NAV3: variants seen among roughly 807,000 people sequenced by gnomAD.
NAV3 encodes neuron navigator 3.
In NAV3, 87 loss-of-function variants were observed where a neutral mutation model predicts 244.7. The observed-to-expected ratio is 0.36, with a 90% CI of 0.30 to 0.42. The LOEUF is 0.42. Among genes scored for constraint, NAV3 ranks in the 20% least tolerant of loss-of-function variants. The pLI, the probability that NAV3 is intolerant of heterozygous loss-of-function variation, is 1.00. For missense variants in NAV3, 2,663 were observed against 2,893.3 expected (o/e 0.92, Z 1.83); for synonymous variants, 1,126 against 1,042.2 (o/e 1.08, Z -1.55).
intron 2 of NAV3, among the ~76,000 whole-genome samples, chr12:77,785,284 T>G (rs1334466223): frequency 1.3e-5 from 2 of 152,120 alleles, no homozygotes; most frequent in Admixed American, 1.3e-4. Flanking sequence ...ACTCTGCCCA[T>G]GTGTTTCCTC....
chr12:78,145,461 C>G (rs151019049), intron 20 of NAV3, among the ~76,000 whole-genome samples: 1 of 152,102 alleles, frequency 6.6e-6, no homozygotes, highest in Non-Finnish European at 1.5e-5. Context: ...ACATAGAAAA[C>G]GAGAGATTGT....
chr12:77,858,582 A>G (rs1366900364), intron 1 of NAV3, among the ~76,000 whole-genome samples: 1 of 152,044 alleles, frequency 6.6e-6, no homozygotes, highest in African/African-American at 2.4e-5. Flanking sequence ...ATTTTATTAC[A>G]CTATCTCATT....
chr12:78,024,236 T>C (rs1354743244), intron 9 of NAV3, among the ~76,000 whole-genome samples: 1 of 152,184 alleles, frequency 6.6e-6, no homozygotes, highest in African/African-American at 2.4e-5. Context: ...CTCACTTAAT[T>C]GTACTCATTT....
chr12:77,856,520 T>A (rs1878421723), intron 1 of NAV3, among the ~76,000 whole-genome samples: 1 of 152,152 alleles, frequency 6.6e-6, no homozygotes, highest in Non-Finnish European at 1.5e-5. Context: ...TTTAACTCAA[T>A]CTTTGAATTT....
At chr12:78,117,157 G>GTATATATATA (rs1271535818) in intron 13 of NAV3, among the ~76,000 whole-genome samples, 3 of 11,614 alleles carry the variant, frequency 2.6e-4, no homozygotes, top group East Asian at 5.3e-3. Context: ...AACAGAAGCA[G>GTATATATATA]CATATATATA....
At chr12:78,157,791 G>A (rs1212782263) in intron 22 of NAV3, among the ~76,000 whole-genome samples, 1 of 151,718 alleles carries the variant, frequency 6.6e-6, no homozygotes, top group East Asian at 1.9e-4. Context: ...TTGTGTGAGA[G>A]AGAGAGAGAG....
chr12:78,108,778 A>G (rs1030591035), intron 12 of NAV3, among the ~76,000 whole-genome samples: 16 of 152,112 alleles, frequency 1.1e-4, no homozygotes, highest in Middle Eastern at 3.2e-3. Context: ...GAAACATAAC[A>G]TATCAAAACC....
At chr12:78,123,343 A>AT (rs144071808) in intron 16 of NAV3, among the ~76,000 whole-genome samples, 53,299 of 149,330 alleles carry the variant, frequency 0.36, 9,789 homozygotes, top group South Asian at 0.53. Context: ...TGTTTTTTTT[A>AT]TTTTTTTTTT....
In NAV3 at chr12:77,758,559, A is replaced by G. The variant is rs1179602049; in HGVS notation, c.73-181760A>G. ...AAGTTCCTTAATACATAATTTTTGTATTTATACTTTTATTACCCAAGTAAC... is the reference window on the plus strand; with the variant it reads ...AAGTTCCTTAATACATAATTTTTGTGTTTATACTTTTATTACCCAAGTAAC... On this transcript the variant is annotated intron_variant, in intron 2 of 8. Coordinates refer to the NAV3 transcript ENST00000550042. Among the ~76,000 whole-genome samples, 4 of 152,196 alleles carry G rather than the reference A, an allele frequency of 2.6e-5. No homozygotes were observed. In the South Asian group the frequency reaches 8.3e-4, roughly 31 times the overall value.
At chr12:77,853,519 A>G (rs1000498597) in intron 1 of NAV3, among the ~76,000 whole-genome samples, 43 of 152,194 alleles carry the variant, frequency 2.8e-4, no homozygotes, top group African/African-American at 1.0e-3. Flanking sequence ...CTTGTTTAAG[A>G]AACTCTACTG....
intron 5 of NAV3, among the ~76,000 whole-genome samples, chr12:77,974,597 T>C (rs17044652): frequency 0.38 from 57,173 of 152,026 alleles, 11,537 homozygotes; most frequent in South Asian, 0.44. Context: ...CATTCCCAGA[T>C]GCTATGTCAG....
intron 2 of NAV3, among the ~76,000 whole-genome samples, chr12:77,631,177 A>T (rs1383316975): frequency 6.6e-6 from 1 of 152,144 alleles, no homozygotes; most frequent in Non-Finnish European, 1.5e-5. Flanking sequence ...GGACATAACT[A>T]TTGGTGAAGC....
intron 2 of NAV3, among the ~76,000 whole-genome samples, chr12:77,632,171 A>G (rs1409725809): frequency 1.3e-5 from 2 of 152,208 alleles, no homozygotes; most frequent in East Asian, 3.8e-4. Context: ...TTATCTAGCT[A>G]CAATCAGAAT....
chr12:78,011,653 A>G (rs1875296151), intron 8 of NAV3, among the ~76,000 whole-genome samples: 1 of 152,196 alleles, frequency 6.6e-6, no homozygotes, highest in African/African-American at 2.4e-5. Flanking sequence ...GTGAGCTGCT[A>G]TGCAAATACT....
chr12:77,726,980 G>A (rs903340284), intron 2 of NAV3, among the ~76,000 whole-genome samples: 1 of 151,902 alleles, frequency 6.6e-6, no homozygotes, highest in Non-Finnish European at 1.5e-5. Context: ...AGTTTTAATC[G>A]AAGGAGAAAC....
At chr12:77,919,524 C>A (rs929165925) in intron 1 of NAV3, among the ~76,000 whole-genome samples, 1 of 151,988 alleles carries the variant, frequency 6.6e-6, no homozygotes, top group African/African-American at 2.4e-5. Context: ...AAGATATTTT[C>A]TTTGGTATTT....
chr12:78,137,647 C>T (rs962507249), intron 19 of NAV3, among the ~76,000 whole-genome samples: 22 of 152,142 alleles, frequency 1.4e-4, no homozygotes, highest in Middle Eastern at 3.4e-3. Flanking sequence ...ACTATTTTCC[C>T]AGGTGCATCA....
At chr12:78,096,128 A>G (rs563285370) in intron 12 of NAV3, among the ~76,000 whole-genome samples, 2 of 152,226 alleles carry the variant, frequency 1.3e-5, no homozygotes, top group South Asian at 4.1e-4. Context: ...TGGCAAATAA[A>G]AGGGATCAAG....
At chr12:78,103,925 T>A (rs989201683) in intron 12 of NAV3, among the ~76,000 whole-genome samples, 1 of 152,206 alleles carries the variant, frequency 6.6e-6, no homozygotes, top group Non-Finnish European at 1.5e-5. Context: ...CACATGGATT[T>A]CTTATACTTT....
Sources: allele counts gnomAD v4.1 joint callset (sites outside exome capture counted in the v4.1 genomes callset), GRCh38; gene constraint gnomAD v4.1.1; transcripts MANE v1.5; gene names NCBI Gene and HGNC (gene_info 2026-07-23, HGNC 2026-07-21).